Variants in AGMO observed in about 807,000 individuals in gnomAD.
AGMO encodes the protein glyceryl-ether monooxygenase.
AGMO carries 75 observed loss-of-function variants against 60.2 expected under a neutral mutation model. The ratio of observed to expected loss-of-function variants is 1.25; its 90% CI spans 1.03 to 1.51. The LOEUF (loss-of-function observed/expected upper bound fraction) is 1.51. AGMO is among the 40% of genes most tolerant of loss of function. The pLI is 0.00. For synonymous variants in AGMO, 261 were observed against 177.1 expected (o/e 1.47, Z -3.76); for missense variants, 763 against 525.5 (o/e 1.45, Z -4.42).
chr7:15,227,044 T>C (rs780031159), intron 12 of AGMO, among the ~76,000 whole-genome samples: 28 of 152,050 alleles, frequency 1.8e-4, no homozygotes, highest in Non-Finnish European at 4.0e-4. Context: ...CAAAAGTCTC[T>C]TCCTTAACTT....
chr7:15,512,107 C>T (rs2128530752), intron 3 of AGMO, among the ~76,000 whole-genome samples: 1 of 152,108 alleles, frequency 6.6e-6, no homozygotes, highest in South Asian at 2.1e-4. Flanking sequence ...AATGGTATCA[C>T]TCATACAAAT....
chr7:15,371,300 A>T (rs1783202020), intron 10 of AGMO, among the ~76,000 whole-genome samples: 1 of 151,626 alleles, frequency 6.6e-6, no homozygotes, highest in South Asian at 2.1e-4. Flanking sequence ...AGCTCACGAC[A>T]ACCTCCCTTT....
intron 10 of AGMO, among the ~76,000 whole-genome samples, chr7:15,367,587 A>C (rs1013262280): frequency 6.6e-6 from 1 of 152,144 alleles, no homozygotes; most frequent in Non-Finnish European, 1.5e-5. Context: ...TGACAGTAGA[A>C]TACATATGAG....
At chr7:15,478,978 T>C (rs1029732611) in intron 3 of AGMO, among the ~76,000 whole-genome samples, 4 of 152,232 alleles carry the variant, frequency 2.6e-5, no homozygotes, top group African/African-American at 9.6e-5. Flanking sequence ...TAACTTTATA[T>C]ACTGTTATGG....
intron 12 of AGMO, among the ~76,000 whole-genome samples, chr7:15,347,642 G>A (rs1251407690): frequency 6.6e-6 from 1 of 151,900 alleles, no homozygotes; most frequent in East Asian, 1.9e-4. Flanking sequence ...AGTGTGGCCA[G>A]ATCTTTGAAT....
chr7:15,194,632 A>C, the AGMO span, among the ~76,000 whole-genome samples: 3 of 152,200 alleles, frequency 2.0e-5, no homozygotes, highest in Admixed American at 1.3e-4. Flanking sequence ...AAGTTGATAA[A>C]CATTTTATGC....
chr7:15,397,613 TC>T (rs2128488562), intron 5 of AGMO, among the ~76,000 whole-genome samples: 1 of 152,322 alleles, frequency 6.6e-6, no homozygotes. Flanking sequence ...CTTCCTTTTC[TC>T]CCCACCTCTC....
At chr7:15,350,555 A>AT (rs1782203643) in intron 12 of AGMO, among the ~76,000 whole-genome samples, 1 of 152,136 alleles carries the variant, frequency 6.6e-6, no homozygotes, top group Non-Finnish European at 1.5e-5. Context: ...GAAAACTCAC[A>AT]TTGAGAGTCA....
chr7:15,550,536 C>T (rs1343775958), intron 2 of AGMO, among the ~76,000 whole-genome samples: 1 of 152,036 alleles, frequency 6.6e-6, no homozygotes, highest in Non-Finnish European at 1.5e-5. Flanking sequence ...ATACTACAAA[C>T]ACCTCTACAC....
chr7:15,168,156 C>CATT, the AGMO span, among the ~76,000 whole-genome samples: 12 of 152,158 alleles, frequency 7.9e-5, no homozygotes, highest in Admixed American at 7.9e-4. Context: ...AGGTACAGGT[C>CATT]ATTAGCCAGC....
intron 12 of AGMO, among the ~76,000 whole-genome samples, chr7:15,290,989 G>GT (rs1784248224): frequency 6.6e-6 from 1 of 151,852 alleles, no homozygotes; most frequent in African/African-American, 2.4e-5. Context: ...ATTTAGCTCC[G>GT]TTTTTTCGAA....
intron 12 of AGMO, among the ~76,000 whole-genome samples, chr7:15,293,360 G>A (rs1477029283): frequency 1.3e-5 from 2 of 152,046 alleles, no homozygotes; most frequent in Non-Finnish European, 2.9e-5. Flanking sequence ...TTTATCTCGT[G>A]TTGCTGATAG....
chr7:15,153,345 A>G, the AGMO span, among the ~76,000 whole-genome samples: 1 of 152,086 alleles, frequency 6.6e-6, no homozygotes, highest in African/African-American at 2.4e-5. Flanking sequence ...TTTTAGTTTA[A>G]TTAAGTTCCA....
At chr7:15,238,482 G>T (rs1017222271) in intron 12 of AGMO, among the ~76,000 whole-genome samples, 2 of 151,648 alleles carry the variant, frequency 1.3e-5, no homozygotes, top group Non-Finnish European at 2.9e-5. Flanking sequence ...ATCCTGATTT[G>T]ATCATTATAC....
At chr7:15,311,007 G>C (rs555620575) in intron 12 of AGMO, among the ~76,000 whole-genome samples, 39 of 152,136 alleles carry the variant, frequency 2.6e-4, no homozygotes, top group African/African-American at 7.5e-4. Flanking sequence ...GACGGCATGA[G>C]GCCCACCTGG....
chr7:15,143,666 TTTTTG>T, the AGMO span, among the ~76,000 whole-genome samples: 4,805 of 151,460 alleles, frequency 0.032, 85 homozygotes, highest in Non-Finnish European at 0.04. Flanking sequence ...GGCACTGAAG[TTTTTG>T]TTTTGTTTTG....
chr7:15,391,495 T>G (rs1323797106), intron 6 of AGMO, among the ~76,000 whole-genome samples: 1 of 152,226 alleles, frequency 6.6e-6, no homozygotes, highest in African/African-American at 2.4e-5. Flanking sequence ...ATTTATTTAA[T>G]ACATTTTTTA....
chr7:15,164,765 A>G, the AGMO span, among the ~76,000 whole-genome samples: 1 of 152,170 alleles, frequency 6.6e-6, no homozygotes, highest in Non-Finnish European at 1.5e-5. Context: ...GCAAGGATGC[A>G]GAGAAAAGGG....
intron 5 of AGMO, among the ~76,000 whole-genome samples, chr7:15,413,276 G>A (rs1298241602): frequency 6.6e-6 from 1 of 152,114 alleles, no homozygotes; most frequent in Non-Finnish European, 1.5e-5. Flanking sequence ...AAATTAATAT[G>A]TTATTCAATC....
Sources: allele counts gnomAD v4.1 joint callset (sites outside exome capture counted in the v4.1 genomes callset), GRCh38; gene constraint gnomAD v4.1.1; transcripts MANE v1.5; gene names NCBI Gene and HGNC (gene_info 2026-07-23, HGNC 2026-07-21).